Variants in NRBF2 observed in about 807,000 individuals in gnomAD.
NRBF2 encodes nuclear receptor binding factor 2.
A neutral mutation model predicts 28.5 loss-of-function variants in NRBF2; 12 were observed. The ratio of observed to expected loss-of-function variants is 0.42; its 90% CI spans 0.27 to 0.68. The LOEUF (loss-of-function observed/expected upper bound fraction) is 0.68, where lower values mean the gene tolerates loss of function less well. NRBF2 is among the 30% of genes least tolerant of loss of function. The pLI is 0.24. For missense variants in NRBF2, 274 were observed against 333.5 expected (o/e 0.82, Z 1.39); for synonymous variants, 102 against 116.5 (o/e 0.88, Z 0.80).
intron 1 of NRBF2, among the ~76,000 whole-genome samples, chr10:63,144,519 A>C (rs1288161584): frequency 6.7e-6 from 1 of 149,286 alleles, no homozygotes; most frequent in Non-Finnish European, 1.5e-5. Flanking sequence ...GGTTCACGCT[A>C]TTCTCCTGCC....
intron 2 of NRBF2, among the ~76,000 whole-genome samples, chr10:63,147,976 C>T (rs1384610958): frequency 6.6e-6 from 1 of 152,076 alleles, no homozygotes; most frequent in Non-Finnish European, 1.5e-5. Flanking sequence ...TCTGTAGTCA[C>T]TACAAAGACG....
intron 1 of NRBF2, among the ~76,000 whole-genome samples, chr10:63,138,373 A>G (rs1370794904): frequency 6.6e-6 from 1 of 152,066 alleles, no homozygotes; most frequent in Non-Finnish European, 1.5e-5. Flanking sequence ...AATCCCAGCT[A>G]CTTGGGAAGC....
At chr10:63,134,172 C>T (rs1287337028) in intron 1 of NRBF2, among the ~76,000 whole-genome samples, 1 of 152,152 alleles carries the variant, frequency 6.6e-6, no homozygotes, top group Non-Finnish European at 1.5e-5. Context: ...TAGGTGTTTG[C>T]TGTTCTCAGG....
chr10:63,135,985 A>G (rs1227772461), intron 1 of NRBF2, among the ~76,000 whole-genome samples: 1 of 152,140 alleles, frequency 6.6e-6, no homozygotes, highest in African/African-American at 2.4e-5. Context: ...TGAAAGATCT[A>G]ATTTCCAGCA....
At chr10:63,151,036 A>G (rs1841640647) in intron 2 of NRBF2, among the ~76,000 whole-genome samples, 1 of 152,206 alleles carries the variant, frequency 6.6e-6, no homozygotes, top group Admixed American at 6.5e-5. Flanking sequence ...TGTGTGGCCC[A>G]GTTCCTAACA....
chr10:63,146,918 T>C (rs1841570291), intron 2 of NRBF2, among the ~76,000 whole-genome samples: 1 of 152,214 alleles, frequency 6.6e-6, no homozygotes, highest in Admixed American at 6.5e-5. Context: ...CTAGCATATG[T>C]TGAATTCAGA....
At chr10:63,153,390 CAT>C in intron 3 of NRBF2, 119 bp from the exon 4 acceptor site, 1 of 743,770 alleles carries the variant, frequency 1.3e-6, no homozygotes, top group South Asian at 2.2e-5. Flanking sequence ...TTTTTGCAAA[CAT>C]AGTAAATTGT....
At chr10:63,144,032 A>T (rs1219517879) in intron 1 of NRBF2, among the ~76,000 whole-genome samples, 1 of 152,208 alleles carries the variant, frequency 6.6e-6, no homozygotes, top group African/African-American at 2.4e-5. Flanking sequence ...TGCTGGGATT[A>T]TAGGCATGAG....
At chr10:63,146,906 A>G (rs1217379909) in intron 2 of NRBF2, among the ~76,000 whole-genome samples, 6 of 152,156 alleles carry the variant, frequency 3.9e-5, no homozygotes, top group African/African-American at 1.4e-4. Flanking sequence ...CAGTCAAGCA[A>G]CCTAGCATAT....
intron 2 of NRBF2, among the ~76,000 whole-genome samples, chr10:63,150,667 A>C (rs1309816130): frequency 6.6e-6 from 1 of 152,240 alleles, no homozygotes; most frequent in Admixed American, 6.5e-5. Flanking sequence ...GGATGATTCA[A>C]GCACATTACA....
intron 1 of NRBF2, among the ~76,000 whole-genome samples, chr10:63,140,631 C>A (rs1263472279): frequency 6.6e-6 from 1 of 151,740 alleles, no homozygotes; most frequent in Non-Finnish European, 1.5e-5. Flanking sequence ...CTATGCTGGT[C>A]TCAAGCAGCC....
rs147801636 is a variant in NRBF2, at chr10:63,138,307, C to T, written c.30+4807C>T. Among the ~76,000 whole-genome samples, 499 of 147,862 alleles carry T rather than the reference C, an allele frequency of 3.4e-3. 4 individuals are homozygous for T. The highest frequency in any genetic ancestry group is 0.012 in the African/African-American group (480 of 40,008). Reference sequence around the variant, plus strand: ...CAGCCTGGGTGACAGAGTGAAACTCCGTATCAAAAAACAAAACAAAACAAA... The same window carrying T: ...CAGCCTGGGTGACAGAGTGAAACTCTGTATCAAAAAACAAAACAAAACAAA... On this transcript the variant is annotated intron_variant, in intron 1 of 3. Transcript: ENST00000277746.
intron 1 of NRBF2, among the ~76,000 whole-genome samples, chr10:63,139,110 A>G (rs1283963022): frequency 6.6e-6 from 1 of 152,140 alleles, no homozygotes; most frequent in Admixed American, 6.5e-5. Flanking sequence ...CCGGGGTTCA[A>G]GCGATTCTCC....
intron 1 of NRBF2, among the ~76,000 whole-genome samples, chr10:63,141,467 T>C (rs1841466036): frequency 6.6e-6 from 1 of 152,166 alleles, no homozygotes; most frequent in African/African-American, 2.4e-5. Context: ...TTTTTTAAAA[T>C]GCAATTCAGT....
chr10:63,144,418 T>C (rs1841527474), intron 1 of NRBF2, among the ~76,000 whole-genome samples: 1 of 20,588 alleles, frequency 4.9e-5, no homozygotes, highest in African/African-American at 7.2e-5. Context: ...TTATCTTCCC[T>C]TTTTTTTTTT....
At chr10:63,144,572 G>A (rs375997539) in intron 1 of NRBF2, among the ~76,000 whole-genome samples, 1 of 151,866 alleles carries the variant, frequency 6.6e-6, no homozygotes, top group African/African-American at 2.4e-5. Context: ...CCCCCACCAC[G>A]CCTGGCTAAT....
At chr10:63,140,732 ACT>A (rs1240999613) in intron 1 of NRBF2, among the ~76,000 whole-genome samples, 1 of 135,202 alleles carries the variant, frequency 7.4e-6, no homozygotes, top group African/African-American at 2.8e-5. Flanking sequence ...ATGGAGTCTC[ACT>A]CTGTCACCCA....
In NRBF2 at chr10:63,138,947, G is replaced by A. The variant is rs1021779626; in HGVS notation, c.30+5447G>A. Among the ~76,000 whole-genome samples, 3 of 152,280 alleles carry A rather than the reference G, an allele frequency of 2.0e-5. No individual in the cohort carries two copies. In the South Asian group the frequency reaches 6.2e-4, roughly 32 times the overall value. Reference sequence around the variant, plus strand: ...AACTGAAGACCCTACCATAAGGTCAGGTGTATGTTAGATTTTCCTCTGCTG... The same window carrying A: ...AACTGAAGACCCTACCATAAGGTCAAGTGTATGTTAGATTTTCCTCTGCTG... On this transcript the variant is annotated intron_variant, in intron 1 of 3. Transcript: ENST00000277746.
intron 2 of NRBF2, chr10:63,150,311 T>C (rs1841628694): frequency 2.2e-6 from 2 of 893,994 alleles, no homozygotes; most frequent in African/African-American, 1.8e-5. Context: ...TGTACAGACA[T>C]ACTACAGGAA....
Sources: gnomAD v4.1 joint callset for allele counts (sites outside exome capture counted in the v4.1 genomes callset) on GRCh38, gnomAD v4.1.1 for gene constraint, MANE v1.5 for transcripts, NCBI Gene and HGNC (gene_info 2026-07-23, HGNC 2026-07-21) for gene names.